Variants in B3GLCT observed in about 807,000 individuals in gnomAD.
The protein encoded by B3GLCT is beta-1,3-glucosyltransferase.
A neutral mutation model predicts 63.4 loss-of-function variants in B3GLCT; 65 were observed. The observed-to-expected ratio is 1.03, with a 90% CI of 0.84 to 1.26. The LOEUF is 1.26. Among genes scored for constraint, B3GLCT ranks in the 50% most tolerant of loss-of-function variants. The pLI, the probability that B3GLCT is intolerant of heterozygous loss-of-function variation, is 0.00. For synonymous variants in B3GLCT, 233 were observed against 219.2 expected (o/e 1.06, Z -0.55); for missense variants, 577 against 604.8 (o/e 0.95, Z 0.48).
At chr13:31,255,104 A>T (rs1461198270) in intron 6 of B3GLCT, among the ~76,000 whole-genome samples, 4 of 152,252 alleles carry the variant, frequency 2.6e-5, no homozygotes, top group South Asian at 4.2e-4. Context: ...CAACTTCAGC[A>T]AAGTCTCGGG....
At chr13:31,296,233 TGCAGACCGGAGCTGTTCCTATTTG>T (rs1432586329) in intron 12 of B3GLCT, among the ~76,000 whole-genome samples, 1 of 152,248 alleles carries the variant, frequency 6.6e-6, no homozygotes, top group Admixed American at 6.5e-5. Context: ...CACTGGGAGC[TGCAGACCGGAGCTGTTCCTATTTG>T]GCCATCTTGC....
At chr13:31,261,593 G>A (rs1418031214) in intron 7 of B3GLCT, among the ~76,000 whole-genome samples, 3 of 152,202 alleles carry the variant, frequency 2.0e-5, no homozygotes, top group Non-Finnish European at 4.4e-5. Flanking sequence ...ATTCACAATG[G>A]TGCTCTGTTA....
chr13:31,327,373 G>T (rs1875685080), intron 14 of B3GLCT, among the ~76,000 whole-genome samples: 1 of 152,172 alleles, frequency 6.6e-6, no homozygotes, highest in Non-Finnish European at 1.5e-5. Flanking sequence ...AGTGTAGACA[G>T]CATGAAGATG....
At chr13:31,257,853 C>T (rs911871787) in intron 6 of B3GLCT, among the ~76,000 whole-genome samples, 6 of 152,180 alleles carry the variant, frequency 3.9e-5, no homozygotes, top group South Asian at 2.1e-4. Flanking sequence ...ATTCATTTGA[C>T]AAAAAGTTAC....
intron 4 of B3GLCT, among the ~76,000 whole-genome samples, chr13:31,236,450 A>G (rs546061698): frequency 2.0e-5 from 3 of 152,330 alleles, no homozygotes; most frequent in Non-Finnish European, 4.4e-5. Flanking sequence ...ATTAACCAAT[A>G]TTGTTAGGCA....
intron 6 of B3GLCT, among the ~76,000 whole-genome samples, chr13:31,250,361 A>C (rs1428290890): frequency 1.3e-5 from 2 of 152,100 alleles, no homozygotes; most frequent in Non-Finnish European, 2.9e-5. Context: ...TTTAGTAAAG[A>C]TGGGATTTTG....
At chr13:31,320,331 C>T (rs1052889366) in intron 13 of B3GLCT, among the ~76,000 whole-genome samples, 1 of 152,104 alleles carries the variant, frequency 6.6e-6, no homozygotes, top group South Asian at 2.1e-4. Flanking sequence ...TCTAGTTTGC[C>T]TGATTACCAG....
rs745334847 is a variant in B3GLCT, at chr13:31,267,851, C to CT, written c.597-1350dup. 9.9e-3 allele frequency among the ~76,000 whole-genome samples: 1,422 copies of CT among 143,602 alleles called. 19 individuals carry two copies. Among genetic ancestry groups the CT allele is most frequent in the African/African-American group, 0.031 (1,231 of 39,328 alleles). The allele number at this position is 143,602 out of a possible 152,430, so 94.2% of individuals were successfully genotyped here. ...TTTCTTTTAAAATTTTTGTTTCTTT[C>CT]TTTTTTTTTTTTTCTTTTCGAGACA... On this transcript the variant is annotated intron_variant, in intron 7 of 14. Transcript: ENST00000343307.
intron 6 of B3GLCT, among the ~76,000 whole-genome samples, chr13:31,255,369 A>G (rs1277322553): frequency 6.6e-6 from 1 of 152,242 alleles, no homozygotes; most frequent in African/African-American, 2.4e-5. Flanking sequence ...GAAAATGGCC[A>G]TACTGACCAA....
At chr13:31,211,154 G>A (rs1869237600) in intron 1 of B3GLCT, among the ~76,000 whole-genome samples, 1 of 152,174 alleles carries the variant, frequency 6.6e-6, no homozygotes, top group South Asian at 2.1e-4. Flanking sequence ...CAGCACTTTG[G>A]GAGGCCGAGG....
intron 7 of B3GLCT, among the ~76,000 whole-genome samples, chr13:31,266,191 G>A (rs895019210): frequency 1.3e-5 from 2 of 151,970 alleles, no homozygotes; most frequent in Non-Finnish European, 2.9e-5. Flanking sequence ...GTAGAGACGG[G>A]GTTTCACCGT....
At chr13:31,312,014 C>G (rs916226570) in intron 12 of B3GLCT, among the ~76,000 whole-genome samples, 1 of 152,140 alleles carries the variant, frequency 6.6e-6, no homozygotes, top group Non-Finnish European at 1.5e-5. Context: ...AAAAGAATAT[C>G]CTGGTCTGGG....
chr13:31,310,665 C>A (rs1874659382), intron 12 of B3GLCT, among the ~76,000 whole-genome samples: 1 of 152,188 alleles, frequency 6.6e-6, no homozygotes, highest in African/African-American at 2.4e-5. Flanking sequence ...GGACATGCCC[C>A]CATTCACGAA....
chr13:31,228,445 T>C (rs1223318163), intron 3 of B3GLCT, among the ~76,000 whole-genome samples: 1 of 152,186 alleles, frequency 6.6e-6, no homozygotes, highest in Non-Finnish European at 1.5e-5. Context: ...AACAGAAATG[T>C]ATTGTCTCAC....
chr13:31,224,607 A>G lies in B3GLCT; in HGVS notation c.160+1616A>G, dbSNP rs539548060. On this transcript the variant is annotated intron_variant, in intron 3 of 14. Transcript: ENST00000343307. ...CATGGCTCACAGTCAGAGCTGGGAG[A>G]TAGCCTCCATGCACGGGATGCTGTT... is the stretch of plus-strand genomic sequence containing the variant. Among the ~76,000 whole-genome samples, 27 of 152,016 alleles carry G rather than the reference A, an allele frequency of 1.8e-4. No individual in the cohort carries two copies. The South Asian group carries it at 5.6e-3, about 32-fold the overall frequency.
chr13:31,330,544 T>TG lies in B3GLCT; in HGVS notation c.*876_*877insG. 1 of 150,528 alleles carries TG rather than the reference T, an allele frequency of 6.6e-6. No homozygotes were observed. Among genetic ancestry groups the TG allele is most frequent in the East Asian group, 1.9e-4 (1 of 5,146 alleles). The allele number at this position is 150,528 out of a possible 1,614,324, so 9.3% of individuals were successfully genotyped here. A position where few individuals can be genotyped will look rare whatever the true frequency, so the allele number is the denominator to read the frequency against. On this transcript the variant is annotated 3_prime_UTR_variant, in exon 15 of 15. Transcript: ENST00000343307. ...TGGACCTTATGTTTTACTCTTGTTT[T>TG]TTTTTTTTTTTTAAATGTTACTTAA...
chr13:31,210,449 TG>T (rs1869198512), intron 1 of B3GLCT, among the ~76,000 whole-genome samples: 2 of 152,212 alleles, frequency 1.3e-5, no homozygotes, highest in African/African-American at 4.8e-5. Flanking sequence ...TGTACCCCTT[TG>T]GTTGGGGCCA....
chr13:31,308,128 A>C (rs1222352868), intron 12 of B3GLCT, among the ~76,000 whole-genome samples: 2 of 31,858 alleles, frequency 6.3e-5, no homozygotes, highest in Non-Finnish European at 1.5e-4. Flanking sequence ...TGGGAATTGA[A>C]CAATGAGATC....
chr13:31,245,403 T>A (rs1871151681), intron 4 of B3GLCT, among the ~76,000 whole-genome samples: 1 of 152,300 alleles, frequency 6.6e-6, no homozygotes, highest in East Asian at 1.9e-4. Flanking sequence ...AACTTAGCTA[T>A]GTTTTAATTG....
Sources: allele counts gnomAD v4.1 joint callset (sites outside exome capture counted in the v4.1 genomes callset), GRCh38; gene constraint gnomAD v4.1.1; transcripts MANE v1.5; gene names NCBI Gene and HGNC (gene_info 2026-07-23, HGNC 2026-07-21).